XKR4: variants seen among roughly 807,000 people sequenced by gnomAD.
The protein encoded by XKR4 is XK-related protein 4.
A neutral mutation model predicts 53.9 loss-of-function variants in XKR4; 12 were observed. The observed-to-expected ratio is 0.22, with a 90% CI of 0.14 to 0.36. XKR4 has a LOEUF of 0.36. Ranked by LOEUF, XKR4 falls within the 10% of genes least tolerant of loss-of-function variation. The pLI, the probability that XKR4 is intolerant of heterozygous loss-of-function variation, is 1.00. For missense variants in XKR4, 799 were observed against 859.5 expected, an observed-to-expected ratio of 0.93 and a Z score of 0.88; for synonymous variants, 354 against 362.4, an observed-to-expected ratio of 0.98 and a Z score of 0.26.
intron 1 of XKR4, among the ~76,000 whole-genome samples, chr8:55,208,286 C>T (rs748569668): frequency 3.3e-5 from 5 of 152,244 alleles, no homozygotes; most frequent in South Asian, 4.1e-4. Context: ...AAACCCAATT[C>T]GCTTGTTCTG....
At chr8:55,226,772 T>C (rs771438751) in intron 1 of XKR4, among the ~76,000 whole-genome samples, 7 of 152,186 alleles carry the variant, frequency 4.6e-5, no homozygotes, top group South Asian at 2.1e-4. Flanking sequence ...CCCTCCCACC[T>C]TCCTTTAATA....
chr8:55,348,791 G>GAGAC (rs964170980), intron 1 of XKR4, among the ~76,000 whole-genome samples: 1 of 151,992 alleles, frequency 6.6e-6, no homozygotes, highest in Non-Finnish European at 1.5e-5. Context: ...TAGAGTAACA[G>GAGAC]AGACAGACAG....
intron 2 of XKR4, among the ~76,000 whole-genome samples, chr8:55,470,885 G>T (rs1805869810): frequency 6.6e-6 from 1 of 152,108 alleles, no homozygotes; most frequent in Non-Finnish European, 1.5e-5. Flanking sequence ...TTTCAGCCAA[G>T]ATTCAAACTC....
At chr8:55,399,133 G>A (rs1585555870) in intron 2 of XKR4, among the ~76,000 whole-genome samples, 1 of 152,278 alleles carries the variant, frequency 6.6e-6, no homozygotes. Context: ...TATTTCTAGT[G>A]GGATTGGAGC....
intron 1 of XKR4, among the ~76,000 whole-genome samples, chr8:55,320,391 G>A (rs1803187764): frequency 6.6e-6 from 1 of 152,148 alleles, no homozygotes; most frequent in Non-Finnish European, 1.5e-5. Flanking sequence ...AGAGATTTAA[G>A]TTCAATGTAA....
intron 2 of XKR4, among the ~76,000 whole-genome samples, chr8:55,503,850 C>T (rs1171850366): frequency 6.6e-6 from 1 of 151,806 alleles, no homozygotes; most frequent in South Asian, 2.1e-4. Context: ...TCGTTTATGG[C>T]CTTTATTATG....
At position 55,120,675 on chromosome 8, in the gene XKR4, C is replaced by T. The variant is rs193041920; in HGVS notation, c.806+17381C>T. Reference sequence around the variant, plus strand: ...CATTTCCAGTTTCCCCTATTATTAACATCTTGCATTAGTATGGTACGTTTG... The same window carrying T: ...CATTTCCAGTTTCCCCTATTATTAATATCTTGCATTAGTATGGTACGTTTG... On this transcript the variant is annotated intron_variant, in intron 1 of 2. Transcript: ENST00000327381. 3.5e-4 allele frequency among the ~76,000 whole-genome samples: 54 copies of T among 152,134 alleles called. 1 individual carries two copies. The Middle Eastern group carries it at 0.01, about 29-fold the overall frequency.
chr8:55,213,285 G>A (rs1817754037), intron 1 of XKR4, among the ~76,000 whole-genome samples: 2 of 152,192 alleles, frequency 1.3e-5, no homozygotes, highest in Non-Finnish European at 2.9e-5. Flanking sequence ...AGAGGGTGAG[G>A]AGTGTTGATT....
At chr8:55,340,065 C>T (rs949918324) in intron 1 of XKR4, among the ~76,000 whole-genome samples, 11 of 152,118 alleles carry the variant, frequency 7.2e-5, no homozygotes, top group African/African-American at 2.7e-4. Flanking sequence ...CGTGTACATG[C>T]CCATTCTGTA....
At chr8:55,367,371 G>A (rs1348501157) in intron 2 of XKR4, among the ~76,000 whole-genome samples, 2 of 152,074 alleles carry the variant, frequency 1.3e-5, no homozygotes, top group African/African-American at 2.4e-5. Flanking sequence ...CCATTTTGTG[G>A]TTGTTGATGT....
At position 55,228,014 on chromosome 8, in the gene XKR4, C is replaced by A. The variant is rs187402046; in HGVS notation, c.806+124720C>A. ...CTCTGCCTCCTGGGCTCCAGCAATT[C>A]TCCTGCCTCAGCCTCCAGAGAAGCT... On this transcript the variant is annotated intron_variant, in intron 1 of 2. Coordinates refer to ENST00000327381, the MANE Select transcript of XKR4 (RefSeq NM_052898.2). Among the ~76,000 whole-genome samples the A allele has an allele frequency of 1.4e-3, 214 of 152,330 alleles. 2 individuals are homozygous for A. The highest frequency in any genetic ancestry group is 3.4e-3 in the Middle Eastern group (1 of 294).
chr8:55,243,973 A>T (rs1818247627), intron 1 of XKR4, among the ~76,000 whole-genome samples: 1 of 152,250 alleles, frequency 6.6e-6, no homozygotes, highest in African/African-American at 2.4e-5. Flanking sequence ...GTGCATGCTC[A>T]TTTAGGAAAA....
At position 55,529,442 on chromosome 8, in the gene XKR4, T is replaced by C. The variant is rs1464749862; in HGVS notation, c.*5215T>C. On this transcript the variant is annotated 3_prime_UTR_variant, in exon 3 of 3. Coordinates refer to ENST00000327381, the MANE Select transcript of XKR4 (RefSeq NM_052898.2). ...CACTTCCCCATAGACTTTCTTATGG[T>C]TCCATCTCCCACATTGAGAGTAGCT... 2.0e-5 allele frequency: 3 copies of C among 152,188 alleles called. No homozygotes were observed. The highest frequency in any genetic ancestry group is 7.2e-5 in the African/African-American group (3 of 41,440). 9.4% of individuals were successfully genotyped at this position (152,188 alleles called of 1,614,324 possible).
At chr8:55,229,868 CTTTTTTT>C (rs5891563) in intron 1 of XKR4, among the ~76,000 whole-genome samples, 1 of 140,320 alleles carries the variant, frequency 7.1e-6, no homozygotes, top group African/African-American at 2.6e-5. Context: ...AGTTAATTAG[CTTTTTTT>C]TTTTTTTTTT....
intron 2 of XKR4, 142 bp from the exon 3 acceptor site, chr8:55,523,139 C>T (rs148895482): frequency 4.4e-6 from 3 of 674,512 alleles, no homozygotes; most frequent in Non-Finnish European, 6.9e-6. Context: ...GAGACTCTGT[C>T]TCAAAAAAAA....
chr8:55,451,451 AC>A (rs1422944334), intron 2 of XKR4: 1 of 1,236,394 alleles, frequency 8.1e-7, no homozygotes, highest in African/African-American at 1.5e-5. Flanking sequence ...GCCTGCAGGT[AC>A]TTCTCCTGCT....
At chr8:55,481,443 C>A (rs551263435) in intron 2 of XKR4, among the ~76,000 whole-genome samples, 1 of 151,996 alleles carries the variant, frequency 6.6e-6, no homozygotes, top group East Asian at 1.9e-4. Flanking sequence ...CATAAAAACC[C>A]TAGAAGAAAA....
chr8:55,404,087 T>A (rs1412866183), intron 2 of XKR4, among the ~76,000 whole-genome samples: 1 of 152,222 alleles, frequency 6.6e-6, no homozygotes, highest in African/African-American at 2.4e-5. Flanking sequence ...TAGATGTGTA[T>A]GTGTGCTTTT....
At chr8:55,416,902 G>A (rs1271605195) in intron 2 of XKR4, among the ~76,000 whole-genome samples, 1 of 152,134 alleles carries the variant, frequency 6.6e-6, no homozygotes, top group Non-Finnish European at 1.5e-5. Context: ...TAATCACTCT[G>A]TTCTTAAAAC....
Sources: allele counts gnomAD v4.1 joint callset (sites outside exome capture counted in the v4.1 genomes callset), GRCh38; gene constraint gnomAD v4.1.1; transcripts MANE v1.5; gene names NCBI Gene and HGNC (gene_info 2026-07-23, HGNC 2026-07-21).